The following PPP1R1C variants were observed in gnomAD, a reference collection of about 807,000 sequenced individuals.
The protein encoded by PPP1R1C is protein phosphatase 1 regulatory subunit 1C.
Under a neutral mutation model 17.4 loss-of-function variants are expected in PPP1R1C, and 15 were observed. The observed-to-expected ratio is 0.86, with a 90% confidence interval of 0.58 to 1.33. PPP1R1C has a LOEUF of 1.33. Among genes scored for constraint, PPP1R1C ranks in the 40% most tolerant of loss-of-function variants. The pLI, the probability that PPP1R1C is intolerant of heterozygous loss-of-function variation, is 0.00. For synonymous variants in PPP1R1C, 35 were observed against 43.1 expected (o/e 0.81, Z 0.73); for missense variants, 143 against 130.0 (o/e 1.10, Z -0.48).
At chr2:182,033,440 T>C (rs1379375839) in intron 2 of PPP1R1C, among the ~76,000 whole-genome samples, 2 of 152,218 alleles carry the variant, frequency 1.3e-5, no homozygotes, top group Non-Finnish European at 2.9e-5. Context: ...CAGAGGCATA[T>C]CAATTTAACA....
At chr2:182,031,469 A>G (rs1366971973) in intron 2 of PPP1R1C, among the ~76,000 whole-genome samples, 1 of 152,210 alleles carries the variant, frequency 6.6e-6, no homozygotes, top group Admixed American at 6.5e-5. Flanking sequence ...AAAAATTTAA[A>G]TCATTTACTT....
At chr2:182,053,990 G>A (rs865784271) in intron 2 of PPP1R1C, among the ~76,000 whole-genome samples, 30 of 152,164 alleles carry the variant, frequency 2.0e-4, no homozygotes, top group Middle Eastern at 3.4e-3. Context: ...TTACAGGCGT[G>A]AGCCACCACC....
intron 4 of PPP1R1C, among the ~76,000 whole-genome samples, chr2:182,111,122 T>C (rs569828281): frequency 6.6e-6 from 1 of 152,336 alleles, no homozygotes; most frequent in African/African-American, 2.4e-5. Context: ...TTCATATTTC[T>C]AATATTAATA....
chr2:182,061,439 C>G lies in PPP1R1C; in HGVS notation c.143-3C>G, dbSNP rs1687847491. 1 of 1,463,990 alleles carries G rather than the reference C, an allele frequency of 6.8e-7. No homozygotes were observed. The highest frequency in any genetic ancestry group is 9.1e-7 in the Non-Finnish European group (1 of 1,101,444). 90.7% of individuals were successfully genotyped at this position (1,463,990 alleles called of 1,614,324 possible). On this transcript the variant is annotated splice_region_variant and splice_polypyrimidine_tract_variant and intron_variant, in intron 2 of 4. Coordinates refer to ENST00000682840, the MANE Select transcript of PPP1R1C (RefSeq NM_001080545.3). ...TAATACATTCTACCTACTTCTCTTA[C>G]AGAAATAGATGACAAGAGGGGGCCC...
At chr2:181,994,362 T>C (rs1294040061) in intron 2 of PPP1R1C, among the ~76,000 whole-genome samples, 1 of 152,172 alleles carries the variant, frequency 6.6e-6, no homozygotes, top group Non-Finnish European at 1.5e-5. Flanking sequence ...AATACTCTTG[T>C]TGCTCAATTT....
intron 2 of PPP1R1C, among the ~76,000 whole-genome samples, chr2:182,006,891 G>T (rs553348408): frequency 1.4e-4 from 22 of 152,270 alleles, no homozygotes; most frequent in African/African-American, 5.3e-4. Flanking sequence ...AGCTTTCAGA[G>T]TGTTCATCAT....
chr2:182,127,615 G>A (rs1689906380), intron 5 of PPP1R1C, among the ~76,000 whole-genome samples: 1 of 152,058 alleles, frequency 6.6e-6, no homozygotes, highest in African/African-American at 2.4e-5. Flanking sequence ...AAAAGGGGAA[G>A]AACCAATAAC....
chr2:181,977,028 C>T (rs1482178176), intron 2 of PPP1R1C, among the ~76,000 whole-genome samples: 1 of 150,400 alleles, frequency 6.6e-6, no homozygotes, highest in Non-Finnish European at 1.5e-5. Context: ...ATCCCAGCTA[C>T]CTGGAGGCTG....
intron 4 of PPP1R1C, among the ~76,000 whole-genome samples, chr2:182,102,184 A>C (rs1316102348): frequency 6.6e-6 from 1 of 152,210 alleles, no homozygotes; most frequent in Non-Finnish European, 1.5e-5. Context: ...GTGAAGTTTT[A>C]TGAGAGACAT....
intron 4 of PPP1R1C, among the ~76,000 whole-genome samples, chr2:182,112,645 T>A (rs1311641308): frequency 1.3e-5 from 2 of 152,206 alleles, no homozygotes; most frequent in African/African-American, 4.8e-5. Flanking sequence ...CACTTTACCA[T>A]CTGAAACTGT....
chr2:182,038,050 A>G (rs1487314880), intron 2 of PPP1R1C, among the ~76,000 whole-genome samples: 1 of 151,880 alleles, frequency 6.6e-6, no homozygotes, highest in African/African-American at 2.4e-5. Context: ...TTTTATATAT[A>G]TATTTGAGAT....
intron 4 of PPP1R1C, among the ~76,000 whole-genome samples, chr2:182,095,274 GGGT>G (rs1213430781): frequency 6.6e-6 from 1 of 151,792 alleles, no homozygotes; most frequent in African/African-American, 2.4e-5. Context: ...ATTCCAGCCT[GGGT>G]GACAGAGCGA....
At chr2:182,117,895 A>G (rs1331504050), downstream of PPP1R1C, 1 of 152,174 alleles carries the variant, frequency 6.6e-6, no homozygotes, top group Admixed American at 6.6e-5. Context: ...CAACACATTA[A>G]TGGTTGATTA....
intron 2 of PPP1R1C, among the ~76,000 whole-genome samples, chr2:182,017,153 C>A (rs1164291930): frequency 6.6e-6 from 1 of 151,954 alleles, no homozygotes; most frequent in Non-Finnish European, 1.5e-5. Context: ...ATCTTTAGTG[C>A]ATTTATTTAT....
chr2:182,099,328 G>T (rs1293353154), intron 4 of PPP1R1C, among the ~76,000 whole-genome samples: 2 of 152,130 alleles, frequency 1.3e-5, no homozygotes, highest in Admixed American at 1.3e-4. Flanking sequence ...ATCGACTTTG[G>T]GTTGGCTAAT....
At chr2:182,101,923 A>C (rs1689108480) in intron 4 of PPP1R1C, among the ~76,000 whole-genome samples, 1 of 152,150 alleles carries the variant, frequency 6.6e-6, no homozygotes, top group Admixed American at 6.5e-5. Context: ...ATGTCTGCTG[A>C]TCTATATGAA....
chr2:182,127,852 T>G (rs533903995), intron 5 of PPP1R1C, among the ~76,000 whole-genome samples: 6 of 152,214 alleles, frequency 3.9e-5, no homozygotes, highest in African/African-American at 1.4e-4. Flanking sequence ...TGGGATTTTC[T>G]TCTTCCTTAA....
intron 4 of PPP1R1C, among the ~76,000 whole-genome samples, chr2:182,074,847 T>C (rs1688247969): frequency 6.6e-6 from 1 of 152,248 alleles, no homozygotes; most frequent in South Asian, 2.1e-4. Flanking sequence ...CCAGCAATGC[T>C]GTCAAACAGT....
intron 2 of PPP1R1C, among the ~76,000 whole-genome samples, chr2:182,008,202 C>T (rs1685987365): frequency 6.6e-6 from 1 of 151,678 alleles, no homozygotes. Context: ...TGGGATAGAC[C>T]CCTCAAGGTC....
Sources: allele counts gnomAD v4.1 joint callset (sites outside exome capture counted in the v4.1 genomes callset), GRCh38; gene constraint gnomAD v4.1.1; transcripts MANE v1.5; gene names NCBI Gene and HGNC (gene_info 2026-07-23, HGNC 2026-07-21).